The following LRIG1 variants were observed in gnomAD, a reference collection of about 807,000 sequenced individuals.
LRIG1 encodes leucine rich repeats and immunoglobulin like domains 1.
Under a neutral mutation model 99.2 loss-of-function variants are expected in LRIG1, and 48 were observed. The observed-to-expected ratio is 0.48, with a 90% CI of 0.38 to 0.62. LRIG1 has a LOEUF of 0.62. Ranked by LOEUF, LRIG1 falls within the 20% of genes least tolerant of loss-of-function variation. The probability of loss-of-function intolerance (pLI) is 0.00; values close to 1 mark genes in which losing one functional copy is unlikely to be tolerated. For synonymous variants in LRIG1, 772 were observed against 596.1 expected (o/e 1.29, Z -4.30); for missense variants, 1,646 against 1,434.4 (o/e 1.15, Z -2.38).
chr3:66,435,153 G>C (rs1015860167), intron 3 of LRIG1, among the ~76,000 whole-genome samples: 6 of 152,172 alleles, frequency 3.9e-5, no homozygotes, highest in African/African-American at 1.2e-4. Flanking sequence ...TGAACCTCCA[G>C]GGAATTACGC....
rs200041927 is a variant in LRIG1 at position 66,448,517 on chromosome 3, T to C, written c.365+3042A>G. The stretch of plus-strand genomic sequence containing the variant: ...ATTGCCCCTACTCTCAACTTTCGGG[T>C]CACAAAGAGAATACACAAGCTTCGA... On this transcript the variant is annotated intron_variant, in intron 3 of 18. Coordinates refer to ENST00000273261, the MANE Select transcript of LRIG1 (RefSeq NM_015541.3). Among the ~76,000 whole-genome samples, 5 of 151,720 alleles carry C rather than the reference T, an allele frequency of 3.3e-5. No individual in the cohort carries two copies. The East Asian group carries it at 1.0e-3, about 30-fold the overall frequency.
At chr3:66,465,786 C>T (rs1008472908) in intron 1 of LRIG1, among the ~76,000 whole-genome samples, 1 of 152,178 alleles carries the variant, frequency 6.6e-6, no homozygotes, top group African/African-American at 2.4e-5. Context: ...ACCATCACCA[C>T]CGTCCATCTC....
intron 3 of LRIG1, among the ~76,000 whole-genome samples, chr3:66,444,928 C>T (rs1348641835): frequency 6.6e-6 from 1 of 150,914 alleles, no homozygotes; most frequent in Non-Finnish European, 1.5e-5. Context: ...CATATATATA[C>T]ATATATACAC....
intron 3 of LRIG1, among the ~76,000 whole-genome samples, chr3:66,442,837 GCTC>G (rs1415471625): frequency 6.6e-5 from 10 of 152,168 alleles, no homozygotes; most frequent in African/African-American, 2.4e-4. Flanking sequence ...CTGTGACCAA[GCTC>G]CTATTCCATG....
At chr3:66,457,214 T>C (rs1700249464) in intron 2 of LRIG1, among the ~76,000 whole-genome samples, 2 of 152,230 alleles carry the variant, frequency 1.3e-5, no homozygotes, top group South Asian at 2.1e-4. Flanking sequence ...CACTGGAGAC[T>C]GGTTAATTTT....
chr3:66,436,736 G>T (rs149629601), intron 3 of LRIG1, among the ~76,000 whole-genome samples: 27 of 152,268 alleles, frequency 1.8e-4, no homozygotes, highest in African/African-American at 6.3e-4. Context: ...TTTAGAGACA[G>T]GGAAGCAGCA....
rs754929453 is a variant in LRIG1, at chr3:66,380,617, C to T, written c.3015G>A (p.Thr1005=). The T allele has an allele frequency of 1.2e-5, 19 of 1,614,038 alleles. No homozygotes were observed. Among genetic ancestry groups the T allele is most frequent in the East Asian group, 4.5e-5 (2 of 44,888 alleles). ...ATGCCATTGGCTTTTTCTTCACAGC[C>T]GTCAGCATTCTATCGTGGTTACTGG... ...LYPSNHDRML[T]AVKKKPMASL... is the part of the protein sequence containing the mutation. The change falls in exon 18 of 19, where the codon ACG becomes ACA. Residue 1005 remains threonine (T), a synonymous_variant. Transcript: ENST00000273261.
chr3:66,390,125 C>A (rs1701557716), intron 12 of LRIG1, among the ~76,000 whole-genome samples: 1 of 152,050 alleles, frequency 6.6e-6, no homozygotes, highest in African/African-American at 2.4e-5. Flanking sequence ...GCCAGTGCAA[C>A]AGGCTAGAGA....
At chr3:66,426,882 TCA>T (rs1197188335) in intron 3 of LRIG1, among the ~76,000 whole-genome samples, 4 of 152,166 alleles carry the variant, frequency 2.6e-5, no homozygotes, top group African/African-American at 9.7e-5. Context: ...TTACAGTGAT[TCA>T]CAAAGTCCAC....
intron 1 of LRIG1, among the ~76,000 whole-genome samples, chr3:66,496,714 A>G (rs1408817853): frequency 6.6e-6 from 1 of 152,094 alleles, no homozygotes; most frequent in Non-Finnish European, 1.5e-5. Flanking sequence ...ATATTTCAGG[A>G]CCATCCATAC....
In LRIG1 at chr3:66,380,461, C is replaced by G; in HGVS notation, c.3084G>C (p.Leu1028Phe). ...KGDSSWTLARLYHPDSTELQP... is the reference protein window; with the variant it reads ...KGDSSWTLARFYHPDSTELQP... ...GTAGCTCTGTGGAGTCCGGGTGATA[C>G]AACCTTGCTAAAGTCCAGGAAGAAT... The change falls in exon 19 of 19, where the codon TTG becomes TTC. Residue 1028 changes from leucine (L) to phenylalanine (F), a missense_variant. By Grantham distance (22) the Leu-to-Phe change is conservative (BLOSUM62 0). Coordinates refer to ENST00000273261, the MANE Select transcript of LRIG1 (RefSeq NM_015541.3). 1.2e-6 allele frequency: 2 copies of G among 1,614,180 alleles called. No homozygotes were observed. Among genetic ancestry groups the G allele is most frequent in the East Asian group, 2.2e-5 (1 of 44,876 alleles).
chr3:66,415,436 A>G (rs2106689831), intron 4 of LRIG1, among the ~76,000 whole-genome samples: 1 of 152,272 alleles, frequency 6.6e-6, no homozygotes, highest in South Asian at 2.1e-4. Flanking sequence ...TTGACGTGAA[A>G]ACTCCTAGAA....
intron 1 of LRIG1, among the ~76,000 whole-genome samples, chr3:66,479,431 C>G (rs556187117): frequency 6.6e-6 from 1 of 152,266 alleles, no homozygotes; most frequent in South Asian, 2.1e-4. Flanking sequence ...AACAGACGGG[C>G]AAGTTATGAG....
At chr3:66,434,751 AAATT>A (rs1350677023) in intron 3 of LRIG1, among the ~76,000 whole-genome samples, 2 of 142,588 alleles carry the variant, frequency 1.4e-5, no homozygotes, top group Non-Finnish European at 3.0e-5. Flanking sequence ...TGTCTCAAAA[AAATT>A]AAAAAAAAAA....
intron 13 of LRIG1, 99 bp from the exon 14 acceptor site, chr3:66,384,371 A>C: frequency 7.7e-7 from 1 of 1,295,606 alleles, no homozygotes; most frequent in Non-Finnish European, 1.1e-6. Flanking sequence ...GCCCAGTGCC[A>C]GTTCACTTCT....
intron 1 of LRIG1, among the ~76,000 whole-genome samples, chr3:66,474,681 A>G (rs1437612946): frequency 6.6e-6 from 1 of 151,724 alleles, no homozygotes; most frequent in African/African-American, 2.4e-5. Flanking sequence ...GCATCACCCC[A>G]CCACACGCCT....
chr3:66,406,275 C>A, intron 8 of LRIG1: 1 of 985,460 alleles, frequency 1.0e-6, no homozygotes, highest in Non-Finnish European at 1.2e-6. Flanking sequence ...CATCTGCATA[C>A]TGAAAAAACC....
chr3:66,459,568 A>G (rs960825602), intron 2 of LRIG1, among the ~76,000 whole-genome samples: 3 of 152,164 alleles, frequency 2.0e-5, no homozygotes, highest in African/African-American at 7.2e-5. Context: ...CAAGCCTCCA[A>G]AATTCTTCAT....
At position 66,386,050 on chromosome 3, in the gene LRIG1, G is replaced by A. The variant is rs147372871; in HGVS notation, c.1720C>T (p.Arg574Cys). 1.9e-4 allele frequency: 304 copies of A among 1,614,056 alleles called. 1 individual carries two copies. The highest frequency in any genetic ancestry group is 4.0e-4 in the East Asian group (18 of 44,890). Residue 574 changes from arginine to cysteine, a missense_variant, in exon 13 of 19, where the codon CGC becomes TGC. Arg to Cys is a radical substitution (Grantham distance 180, BLOSUM62 -3). Coordinates refer to ENST00000273261, the MANE Select transcript of LRIG1 (RefSeq NM_015541.3). The part of the protein sequence containing the change: ...LRQVTFGHEG[R>C]YQCVITNHFG... ...TGGTTGGTGATGACACATTGGTAGCGGCCCTCGTGCCCGAAAGTGACCTGA... is the reference window on the plus strand; with the variant it reads ...TGGTTGGTGATGACACATTGGTAGCAGCCCTCGTGCCCGAAAGTGACCTGA...
Sources: gnomAD v4.1 joint callset for allele counts (sites outside exome capture counted in the v4.1 genomes callset) on GRCh38, gnomAD v4.1.1 for gene constraint, MANE v1.5 for transcripts, NCBI Gene and HGNC (gene_info 2026-07-23, HGNC 2026-07-21) for gene names.